Variants in IGFL4 observed in about 807,000 individuals in gnomAD.
IGFL4 encodes the protein IGF like family member 4, also known as insulin growth factor-like family member 4.
A neutral mutation model predicts 15.4 loss-of-function variants in IGFL4; 12 were observed. The observed-to-expected ratio is 0.78, with a 90% confidence interval of 0.50 to 1.26. The LOEUF is 1.26. IGFL4 is among the 50% of genes most tolerant of loss of function. The pLI, the probability that IGFL4 is intolerant of heterozygous loss-of-function variation, is 0.00. For missense variants in IGFL4, 126 were observed against 147.8 expected, an observed-to-expected ratio of 0.85 and a Z score of 0.76; for synonymous variants, 54 against 55.9, an observed-to-expected ratio of 0.97 and a Z score of 0.16.
rs765726824 is a variant in IGFL4 at position 46,040,173 on chromosome 19, G to C, written c.314C>G (p.Thr105Ser). Residue 105 changes from threonine (T) to serine (S), a missense_variant, in exon 3 of 4, where the codon ACC (threonine) becomes AGC (serine). Physicochemically the swap from Thr to Ser is moderately conservative, Grantham distance 58. Transcript: ENST00000377697. The surrounding 1 kb of genome is among the most constrained non-coding windows in gnomAD (Gnocchi z 4.1). ...GATCCTTACCTGGGCACAGATCCTG[G>C]TGATAGGGGAGGACTTGCAATCTGG... Reference protein sequence around the residue: ...MKPDCKSSPITRICAQEYHPK... With the variant: ...MKPDCKSSPISRICAQEYHPK... The C allele has an allele frequency of 6.2e-7, 1 of 1,613,922 alleles. No individual in the cohort carries two copies. Among genetic ancestry groups the C allele is most frequent in the South Asian group, 1.1e-5 (1 of 91,078 alleles).
intron 2 of IGFL4, among the ~76,000 whole-genome samples, chr19:46,053,852 G>T (rs1969369849): frequency 6.6e-6 from 1 of 152,026 alleles, no homozygotes; most frequent in Non-Finnish European, 1.5e-5. Context: ...GTTTTAATTT[G>T]CATTTCCCTG....
chr19:46,072,689 T>C (rs2146530714), intron 1 of IGFL4, among the ~76,000 whole-genome samples: 1 of 152,172 alleles, frequency 6.6e-6, no homozygotes, highest in East Asian at 1.9e-4. Flanking sequence ...ATGTGTTCTG[T>C]GGGAAAGGCA....
At chr19:46,045,814 A>T (rs1353631496), upstream of IGFL4, among the ~76,000 whole-genome samples, 1 of 152,140 alleles carries the variant, frequency 6.6e-6, no homozygotes, top group Non-Finnish European at 1.5e-5. Flanking sequence ...GAGACAGGGA[A>T]ATTGGAACCA....
chr19:46,039,483 A>C lies in IGFL4; in HGVS notation c.*409T>G. ...ATTGAATCTGTAAATTACCTTGGGCAGTATGGCCATTTTCACGATATTGAT... is the reference window on the plus strand; with the variant it reads ...ATTGAATCTGTAAATTACCTTGGGCCGTATGGCCATTTTCACGATATTGAT... On this transcript the variant is annotated 3_prime_UTR_variant, in exon 4 of 4. Coordinates refer to ENST00000377697, the MANE Select transcript of IGFL4 (RefSeq NM_001002923.3). Among the ~76,000 whole-genome samples the C allele has an allele frequency of 1.6e-5, 2 of 121,264 alleles. No individual in the cohort carries two copies. Among genetic ancestry groups the C allele is most frequent in the African/African-American group, 6.5e-5 (2 of 30,734 alleles). The allele number at this position is 121,264 out of a possible 152,430, so 79.6% of individuals were successfully genotyped here.
intron 1 of IGFL4, among the ~76,000 whole-genome samples, chr19:46,061,230 T>TA (rs1381914605): frequency 1.3e-5 from 2 of 152,214 alleles, no homozygotes; most frequent in Admixed American, 1.3e-4. Flanking sequence ...CATGCCTTCT[T>TA]ATAATCTTTT....
chr19:46,039,931 G>A lies in IGFL4; in HGVS notation c.336C>T (p.Tyr112=), dbSNP rs1229430511. The change falls in exon 4 of 4, where the codon TAC becomes TAT. Residue 112 remains tyrosine, a synonymous_variant. Coordinates refer to ENST00000377697, the MANE Select transcript of IGFL4 (RefSeq NM_001002923.3). ...SPITRICAQE[Y]HPKSPVSRSD... ...ATCTTGACACAGGGCTTTTTGGGTG[G>A]TATTCCTGCAGAAGGAGAGAAGTGG... 1 of 1,613,174 alleles carries A rather than the reference G, an allele frequency of 6.2e-7. No homozygotes were observed. Among genetic ancestry groups the A allele is most frequent in the Admixed American group, 1.7e-5 (1 of 59,996 alleles).
intron 1 of IGFL4, among the ~76,000 whole-genome samples, chr19:46,070,640 A>G (rs1476367459): frequency 6.6e-6 from 1 of 151,354 alleles, no homozygotes; most frequent in Non-Finnish European, 1.5e-5. Context: ...CCATACAGAT[A>G]TTTAAAGGAG....
intron 1 of IGFL4, among the ~76,000 whole-genome samples, chr19:46,069,641 T>C (rs1397511255): frequency 6.6e-6 from 1 of 152,214 alleles, no homozygotes. Context: ...GCTGCCTAGA[T>C]TTCTATTTTA....
chr19:46,040,124 C>G lies in IGFL4; in HGVS notation c.330+33G>C. The stretch of plus-strand genomic sequence containing the variant: ...ACCAAGCTCCATTCCCTACTCCCCC[C>G]TCCCACAGCCTGGACTGGAGTCAGA... On this transcript the variant is annotated intron_variant, in intron 3 of 3. Transcript: ENST00000377697. The surrounding 1 kb of genome is among the most constrained non-coding windows in gnomAD (Gnocchi z 4.1). 1.9e-6 allele frequency: 3 copies of G among 1,610,508 alleles called. No homozygotes were observed. Among genetic ancestry groups the G allele is most frequent in the Non-Finnish European group, 2.5e-6 (3 of 1,178,140 alleles).
At chr19:46,045,715 A>C (rs1165594680), upstream of IGFL4, among the ~76,000 whole-genome samples, 1 of 152,100 alleles carries the variant, frequency 6.6e-6, no homozygotes, top group Non-Finnish European at 1.5e-5. Context: ...GGCAGACAAG[A>C]ATAGAGAAAA....
At chr19:46,041,921 C>T (rs1368559565), upstream of IGFL4, among the ~76,000 whole-genome samples, 3 of 149,236 alleles carry the variant, frequency 2.0e-5, no homozygotes, top group Non-Finnish European at 4.4e-5. Context: ...TCACTGTAAC[C>T]TTTGCCCCCC....
Position 46,040,970 on chromosome 19 carries a change from G to T in IGFL4, c.-8C>A, listed in dbSNP as rs1370736816. On this transcript the variant is annotated 5_prime_UTR_variant, in exon 1 of 4. Coordinates refer to ENST00000377697, the MANE Select transcript of IGFL4 (RefSeq NM_001002923.3). The surrounding 1 kb of genome is among the most constrained non-coding windows in gnomAD (Gnocchi z 4.1). ...AGAAATTCTGGGCACCATGGGTTAGGCTTCAGAGCAGCGGACGAGGGAGCA... is the reference window on the plus strand; with the variant it reads ...AGAAATTCTGGGCACCATGGGTTAGTCTTCAGAGCAGCGGACGAGGGAGCA... 1 of 1,586,526 alleles carries T rather than the reference G, an allele frequency of 6.3e-7. No homozygotes were observed. The highest frequency in any genetic ancestry group is 1.2e-5 in the South Asian group (1 of 86,310).
intron 2 of IGFL4, chr19:46,058,595 G>A (rs1969415669): frequency 6.6e-6 from 1 of 152,252 alleles, no homozygotes; most frequent in Non-Finnish European, 1.5e-5. Context: ...CCCTAGCAAA[G>A]GTTCTCCATG....
upstream of IGFL4, among the ~76,000 whole-genome samples, chr19:46,044,088 T>G (rs1969274428): frequency 6.6e-6 from 1 of 152,062 alleles, no homozygotes; most frequent in East Asian, 1.9e-4. Context: ...AGTGTGGAGG[T>G]ATGGGGACTC....
intron 1 of IGFL4, among the ~76,000 whole-genome samples, chr19:46,072,391 C>T (rs1969555115): frequency 6.6e-6 from 1 of 152,128 alleles, no homozygotes; most frequent in South Asian, 2.1e-4. Flanking sequence ...TGGGGTCCAC[C>T]AAAGTTCCTG....
chr19:46,063,113 A>C (rs1357767150), intron 1 of IGFL4, among the ~76,000 whole-genome samples: 1 of 152,152 alleles, frequency 6.6e-6, no homozygotes, highest in Non-Finnish European at 1.5e-5. Context: ...CCTTGCCTTT[A>C]ATTAAGAACG....
At chr19:46,042,991 C>T (rs1360866996), upstream of IGFL4, among the ~76,000 whole-genome samples, 3 of 152,166 alleles carry the variant, frequency 2.0e-5, no homozygotes, top group African/African-American at 4.8e-5. Flanking sequence ...ATTTCACCAA[C>T]GTGGCCCACG....
chr19:46,045,002 C>T (rs1024943765), upstream of IGFL4, among the ~76,000 whole-genome samples: 3 of 152,202 alleles, frequency 2.0e-5, no homozygotes, highest in Admixed American at 1.3e-4. Context: ...GGTAAACCCA[C>T]ACAGATGAGA....
chr19:46,051,660 C>G (rs543519682), intron 2 of IGFL4, among the ~76,000 whole-genome samples: 17 of 152,178 alleles, frequency 1.1e-4, no homozygotes, highest in African/African-American at 4.1e-4. Flanking sequence ...TGTCAGTGGC[C>G]TAAATGCTCC....
Sources: gnomAD v4.1 joint callset for allele counts (sites outside exome capture counted in the v4.1 genomes callset) on GRCh38, gnomAD v4.1.1 for gene constraint, Gnocchi (gnomAD v3.1) non-coding constraint, MANE v1.5 for transcripts, NCBI Gene and HGNC (gene_info 2026-07-23, HGNC 2026-07-21) for gene names.